THSD4: variants seen among roughly 807,000 people sequenced by gnomAD.
The protein encoded by THSD4 is thrombospondin type 1 domain containing 4.
A neutral mutation model predicts 119.0 loss-of-function variants in THSD4; 69 were observed. The observed-to-expected ratio is 0.58, with a 90% confidence interval of 0.48 to 0.71. The LOEUF (loss-of-function observed/expected upper bound fraction) is 0.71. Ranked by LOEUF, THSD4 falls within the 30% of genes least tolerant of loss-of-function variation. The pLI, the probability that THSD4 is intolerant of heterozygous loss-of-function variation, is 0.00. For missense variants in THSD4, 1,393 were observed against 1,391.1 expected (o/e 1.00, Z -0.02); for synonymous variants, 524 against 540.4 (o/e 0.97, Z 0.42).
chr15:71,459,424 C>A (rs552085542), intron 7 of THSD4, among the ~76,000 whole-genome samples: 2 of 149,588 alleles, frequency 1.3e-5, no homozygotes, highest in Non-Finnish European at 3.0e-5. Context: ...CTCTCTCTCT[C>A]GTCAACATGC....
At chr15:71,636,398 G>A (rs780959611) in intron 7 of THSD4, among the ~76,000 whole-genome samples, 139 of 152,046 alleles carry the variant, frequency 9.1e-4, no homozygotes, top group Non-Finnish European at 1.5e-3. Flanking sequence ...ACTCCAGCCT[G>A]GGCAACAGAG....
rs1271258494 is a variant in THSD4, at chr15:71,671,094, CCCA to C, written c.1357+10364_1357+10366del. On this transcript the variant is annotated intron_variant, in intron 8 of 17. Transcript: ENST00000261862. ...CACAATGGTTGAACTAATTTACAGT[CCCA>C]CCAACAGTGTAAAAGTGTTCCTATT... Among the ~76,000 whole-genome samples, 7 of 152,302 alleles carry C rather than the reference CCCA, an allele frequency of 4.6e-5. No individual in the cohort carries two copies. The East Asian group carries it at 1.4e-3, about 29-fold the overall frequency.
intron 15 of THSD4, among the ~76,000 whole-genome samples, chr15:71,760,794 C>T (rs760681223): frequency 3.3e-5 from 5 of 152,134 alleles, no homozygotes; most frequent in Non-Finnish European, 7.3e-5. Flanking sequence ...GCCTAATTGC[C>T]ATCACTTCTC....
At chr15:71,141,000 A>C (rs1399833776) in intron 1 of THSD4, among the ~76,000 whole-genome samples, 1 of 152,270 alleles carries the variant, frequency 6.6e-6, no homozygotes, top group Non-Finnish European at 1.5e-5. Flanking sequence ...AATGTTTTCA[A>C]GGTTCATCCC....
intron 8 of THSD4, among the ~76,000 whole-genome samples, chr15:71,688,292 C>CTTTTTTTTTTTTTTTTTTTTTTT (rs1567101664): frequency 6.6e-6 from 1 of 152,188 alleles, no homozygotes; most frequent in East Asian, 1.9e-4. Flanking sequence ...AGAACATTTT[C>CTTTTTTTTTTTTTTTTTTTTTTT]CTTTCAGCCT....
At chr15:71,317,622 G>A (rs1259906953) in intron 6 of THSD4, among the ~76,000 whole-genome samples, 1 of 152,162 alleles carries the variant, frequency 6.6e-6, no homozygotes, top group Non-Finnish European at 1.5e-5. Context: ...TTTGGGTGGG[G>A]ACAGAGAGCC....
intron 8 of THSD4, among the ~76,000 whole-genome samples, chr15:71,670,398 A>G (rs2051500303): frequency 6.6e-6 from 1 of 151,600 alleles, no homozygotes; most frequent in South Asian, 2.1e-4. Context: ...TGTCCCTACA[A>G]AGGACATGAA....
intron 6 of THSD4, among the ~76,000 whole-genome samples, chr15:71,309,595 C>T (rs1004986880): frequency 1.3e-5 from 2 of 152,190 alleles, no homozygotes; most frequent in Non-Finnish European, 2.9e-5. Flanking sequence ...TAACGATTTA[C>T]ACTTAGGTTT....
rs57430708 is a variant in THSD4 at position 71,591,741 on chromosome 15, G to GAA, written c.1153-68778_1153-68777dup. Among the ~76,000 whole-genome samples, 168 of 144,974 alleles carry GAA rather than the reference G, an allele frequency of 1.2e-3. 2 individuals carry two copies. Among genetic ancestry groups the GAA allele is most frequent in the Admixed American group, 3.8e-3 (56 of 14,742 alleles). On this transcript the variant is annotated intron_variant, in intron 7 of 17. Coordinates refer to ENST00000261862, the MANE Select transcript of THSD4 (RefSeq NM_024817.3). ...CAGACTGCGGCCAGATTTTTTTTTAGAAAAAAAAAAAATCAATAAATCCAG... is the reference window on the plus strand; with the variant it reads ...CAGACTGCGGCCAGATTTTTTTTTAGAAAAAAAAAAAAAATCAATAAATCCAG...
At chr15:71,153,738 T>C (rs1008220475) in intron 2 of THSD4, among the ~76,000 whole-genome samples, 1 of 152,162 alleles carries the variant, frequency 6.6e-6, no homozygotes, top group East Asian at 1.9e-4. Flanking sequence ...CTCAGTTGTG[T>C]TGGAAGCCTC....
At chr15:71,446,380 C>T (rs182828769) in intron 7 of THSD4, among the ~76,000 whole-genome samples, 2 of 152,204 alleles carry the variant, frequency 1.3e-5, no homozygotes, top group East Asian at 1.9e-4. Context: ...GTGTCACTCT[C>T]CTGTAAAACT....
At chr15:71,424,360 G>A (rs1225254037) in intron 7 of THSD4, among the ~76,000 whole-genome samples, 1 of 152,098 alleles carries the variant, frequency 6.6e-6, no homozygotes, top group Non-Finnish European at 1.5e-5. Context: ...GAAAATTGGG[G>A]TTGATGTCTA....
At chr15:71,402,452 G>C (rs1185466781) in intron 6 of THSD4, among the ~76,000 whole-genome samples, 1 of 152,184 alleles carries the variant, frequency 6.6e-6, no homozygotes, top group South Asian at 2.1e-4. Context: ...TGATCCTAAA[G>C]CAGAGATTTG....
intron 6 of THSD4, among the ~76,000 whole-genome samples, chr15:71,308,797 CT>C (rs1316580335): frequency 1.3e-5 from 2 of 152,170 alleles, no homozygotes; most frequent in South Asian, 2.1e-4. Context: ...CCACAGTTAC[CT>C]TTTTGAAGAA....
intron 7 of THSD4, among the ~76,000 whole-genome samples, chr15:71,623,588 G>A (rs1482419824): frequency 1.3e-5 from 2 of 152,134 alleles, no homozygotes. Context: ...GCATCTTAAA[G>A]TAGTTAAGAC....
At chr15:71,522,238 C>A (rs539876083) in intron 7 of THSD4, among the ~76,000 whole-genome samples, 1 of 152,084 alleles carries the variant, frequency 6.6e-6, no homozygotes, top group Admixed American at 6.5e-5. Flanking sequence ...AAAATAAAAC[C>A]CTGCTCATTA....
chr15:71,111,424 T>G (rs775752177), upstream of THSD4: 2 of 1,601,828 alleles, frequency 1.2e-6, no homozygotes, highest in Admixed American at 3.5e-5. Context: ...CATTCCAGAG[T>G]TCCTGGAGGA....
chr15:71,273,621 C>A lies in THSD4; in HGVS notation c.1015+16906C>A, dbSNP rs965013070. Among the ~76,000 whole-genome samples, 3 of 151,984 alleles carry A rather than the reference C, an allele frequency of 2.0e-5. No individual in the cohort carries two copies. In the South Asian group the frequency reaches 6.2e-4, roughly 32 times the overall value. On this transcript the variant is annotated intron_variant, in intron 6 of 17. Transcript: ENST00000261862. The stretch of plus-strand genomic sequence containing the variant: ...ATTTTCTTATTCCACAATGTATACA[C>A]GTATTGAAACCCCATAAATATATAC...
At position 71,382,824 on chromosome 15, in the gene THSD4, C is replaced by T. The variant is rs547768953; in HGVS notation, c.1016-28863C>T. On this transcript the variant is annotated intron_variant, in intron 6 of 17. Transcript: ENST00000261862. ...TCCTAATAGACCCAAATATATTTAG[C>T]TTCTCTATACTGTATTAAAAAATGC... is the stretch of plus-strand genomic sequence containing the variant. Among the ~76,000 whole-genome samples, 10 of 152,212 alleles carry T rather than the reference C, an allele frequency of 6.6e-5. No individual in the cohort carries two copies. In the South Asian group the frequency reaches 2.1e-3, roughly 32 times the overall value.
Sources: gnomAD v4.1 joint callset for allele counts (sites outside exome capture counted in the v4.1 genomes callset) on GRCh38, gnomAD v4.1.1 for gene constraint, MANE v1.5 for transcripts, NCBI Gene and HGNC (gene_info 2026-07-23, HGNC 2026-07-21) for gene names.